PATJ: variants seen among roughly 807,000 people sequenced by gnomAD.
PATJ encodes inaD-like protein.
A neutral mutation model predicts 224.9 loss-of-function variants in PATJ; 190 were observed. The observed-to-expected ratio is 0.84, with a 90% CI of 0.75 to 0.95. The LOEUF is 0.95. PATJ is among the 40% of genes least tolerant of loss of function. PATJ has a pLI of 0.00. For synonymous variants in PATJ, 769 were observed against 820.3 expected, an observed-to-expected ratio of 0.94 and a Z score of 1.07; for missense variants, 2,121 against 2,270.3, an observed-to-expected ratio of 0.93 and a Z score of 1.34.
intron 19 of PATJ, among the ~76,000 whole-genome samples, chr1:61,863,134 C>T (rs1162019434): frequency 2.1e-5 from 3 of 145,946 alleles, no homozygotes; most frequent in African/African-American, 7.6e-5. Flanking sequence ...CTCCTTGGCT[C>T]AAGCAATTCT....
At chr1:61,940,251 A>G (rs905666702) in intron 27 of PATJ, among the ~76,000 whole-genome samples, 3 of 152,154 alleles carry the variant, frequency 2.0e-5, no homozygotes, top group East Asian at 3.8e-4. Context: ...ATATGATAAC[A>G]ATAATACCCT....
rs762353934 is a variant in PATJ, at chr1:62,114,077, T to TCCAG, written c.4490_4493dup (p.His1498GlnfsTer22). On this transcript the variant is annotated frameshift_variant, in exon 35 of 44. Coordinates refer to ENST00000642238, the MANE Select transcript of PATJ (RefSeq NM_001350145.3). LOFTEE classifies it high-confidence loss of function. ...GGTTAATGGGGTTGACCTGAGGAAC[T>TCCAG]CCAGCCACGAAGAAGCCATCACAGC... is the stretch of plus-strand genomic sequence containing the variant. The TCCAG allele has an allele frequency of 1.5e-5, 24 of 1,613,914 alleles. No individual in the cohort carries two copies. Among genetic ancestry groups the TCCAG allele is most frequent in the Non-Finnish European group, 1.9e-5 (23 of 1,179,990 alleles).
intron 12 of PATJ, among the ~76,000 whole-genome samples, chr1:61,802,807 A>ACT (rs1652810284): frequency 6.6e-6 from 1 of 151,766 alleles, no homozygotes; most frequent in South Asian, 2.1e-4. Flanking sequence ...ATTATAGTGG[A>ACT]CTCTACTCTC....
chr1:61,993,797 G>A (rs923013539), intron 28 of PATJ, among the ~76,000 whole-genome samples: 1 of 152,164 alleles, frequency 6.6e-6, no homozygotes, highest in Admixed American at 6.5e-5. Flanking sequence ...ATAGTTAACT[G>A]TTAATGAAAA....
chr1:61,856,247 T>C lies in PATJ; in HGVS notation c.2322+8T>C. 1.2e-6 allele frequency: 2 copies of C among 1,607,012 alleles called. No homozygotes were observed. Among genetic ancestry groups the C allele is most frequent in the Non-Finnish European group, 1.7e-6 (2 of 1,173,504 alleles). ...ATCTGTAAGCCTTTGGTGGTAAGTG[T>C]TGTATTTTGTTAATATAGGAAGTGA... On this transcript the variant is annotated splice_region_variant and intron_variant, in intron 18 of 43. Coordinates refer to ENST00000642238, the MANE Select transcript of PATJ (RefSeq NM_001350145.3).
chr1:61,991,054 T>C (rs1001498050), intron 28 of PATJ, among the ~76,000 whole-genome samples: 1 of 152,186 alleles, frequency 6.6e-6, no homozygotes, highest in African/African-American at 2.4e-5. Context: ...GCTAACACTT[T>C]TGAGTGTCTA....
chr1:61,818,558 CAATGTAACATG>C (rs1656627702), intron 14 of PATJ, among the ~76,000 whole-genome samples: 1 of 152,182 alleles, frequency 6.6e-6, no homozygotes, highest in South Asian at 2.1e-4. Flanking sequence ...AAGCTTGCAG[CAATGTAACATG>C]AAATCTTAGA....
At chr1:61,914,972 G>C (rs1479612473) in intron 26 of PATJ, among the ~76,000 whole-genome samples, 1 of 152,110 alleles carries the variant, frequency 6.6e-6, no homozygotes, top group Non-Finnish European at 1.5e-5. Flanking sequence ...CTGAGACTTT[G>C]ATCTTGCTGC....
intron 30 of PATJ, among the ~76,000 whole-genome samples, chr1:62,048,341 T>C (rs1467994165): frequency 6.6e-6 from 1 of 151,860 alleles, no homozygotes; most frequent in African/African-American, 2.4e-5. Context: ...AGGTCAGGAA[T>C]TTGAAACCAG....
intron 31 of PATJ, among the ~76,000 whole-genome samples, chr1:62,068,259 C>T (rs1284959686): frequency 6.6e-5 from 10 of 152,190 alleles, no homozygotes; most frequent in Admixed American, 6.5e-4. Context: ...GTGACAGAAT[C>T]TCAATTTGAC....
intron 7 of PATJ, 102 bp downstream of exon 7, chr1:61,775,436 TAAC>T (rs1646860364): frequency 1.0e-6 from 1 of 979,378 alleles, no homozygotes; most frequent in East Asian, 2.5e-5. Context: ...TATGACTTAA[TAAC>T]AAGAATTTAA....
At chr1:61,949,768 T>C (rs1426964771) in intron 27 of PATJ, among the ~76,000 whole-genome samples, 1 of 151,364 alleles carries the variant, frequency 6.6e-6, no homozygotes, top group Non-Finnish European at 1.5e-5. Flanking sequence ...TAGTCAGGTA[T>C]GGGGGCATAT....
At chr1:61,915,792 G>T (rs1312871763) in intron 26 of PATJ, among the ~76,000 whole-genome samples, 1 of 151,680 alleles carries the variant, frequency 6.6e-6, no homozygotes, top group Non-Finnish European at 1.5e-5. Context: ...CACCTCCTGG[G>T]TTCAAGGGAT....
chr1:62,125,254 C>CAAAAAAA (rs779305398), intron 39 of PATJ, among the ~76,000 whole-genome samples: 4 of 71,422 alleles, frequency 5.6e-5, no homozygotes, highest in Non-Finnish European at 1.0e-4. Flanking sequence ...AAAAAAAAAA[C>CAAAAAAA]AAAAAAAAAC....
At chr1:61,916,058 T>C (rs1673418817) in intron 26 of PATJ, among the ~76,000 whole-genome samples, 1 of 152,190 alleles carries the variant, frequency 6.6e-6, no homozygotes, top group Admixed American at 6.5e-5. Flanking sequence ...TTTTGCTATT[T>C]AATGATATCT....
At chr1:61,958,261 A>G (rs1680714110) in intron 27 of PATJ, among the ~76,000 whole-genome samples, 1 of 152,156 alleles carries the variant, frequency 6.6e-6, no homozygotes, top group African/African-American at 2.4e-5. Flanking sequence ...ACTCTCTGTT[A>G]ATTTCATGGC....
intron 31 of PATJ, among the ~76,000 whole-genome samples, chr1:62,057,288 G>A (rs1049817808): frequency 6.6e-6 from 1 of 152,224 alleles, no homozygotes; most frequent in Non-Finnish European, 1.5e-5. Flanking sequence ...AACAAAGGAA[G>A]GTTTTAGGCA....
intron 4 of PATJ, among the ~76,000 whole-genome samples, chr1:61,768,356 G>A (rs1646408850): frequency 6.6e-6 from 1 of 152,000 alleles, no homozygotes; most frequent in Non-Finnish European, 1.5e-5. Flanking sequence ...TGTAGTCCCA[G>A]CTACTCGGGA....
chr1:61,937,232 G>A (rs916602317), intron 27 of PATJ, among the ~76,000 whole-genome samples: 11 of 151,898 alleles, frequency 7.2e-5, no homozygotes, highest in Non-Finnish European at 1.0e-4. Context: ...AATCCCCATA[G>A]TTTCTTTCTT....
Sources: gnomAD v4.1 joint callset for allele counts (sites outside exome capture counted in the v4.1 genomes callset) on GRCh38, gnomAD v4.1.1 for gene constraint, MANE v1.5 for transcripts, NCBI Gene and HGNC (gene_info 2026-07-23, HGNC 2026-07-21) for gene names.